The following DOCK1 variants were observed in gnomAD, a reference collection of about 807,000 sequenced individuals.
DOCK1 encodes the protein dedicator of cytokinesis 1, also known as dedicator of cytokinesis protein 1.
DOCK1 carries 138 observed loss-of-function variants against 262.7 expected under a neutral mutation model. The ratio of observed to expected loss-of-function variants is 0.53; its 90% CI spans 0.46 to 0.61. The LOEUF (loss-of-function observed/expected upper bound fraction) is 0.61, where lower values mean the gene tolerates loss of function less well. Ranked by LOEUF, DOCK1 falls within the 20% of genes least tolerant of loss-of-function variation. DOCK1 has a pLI of 0.00. For synonymous variants in DOCK1, 866 were observed against 867.4 expected, an observed-to-expected ratio of 1.00 and a Z score of 0.03; for missense variants, 1,908 against 2,370.7, an observed-to-expected ratio of 0.80 and a Z score of 4.05.
intron 14 of DOCK1, 72 bp downstream of exon 14, chr10:127,023,396 A>G: frequency 6.3e-7 from 1 of 1,593,110 alleles, no homozygotes; most frequent in Admixed American, 1.7e-5. Context: ...TGGCTCTGCT[A>G]CAGCATAGAT....
In DOCK1 at chr10:127,024,538, C is replaced by T. The variant is rs183399527; in HGVS notation, c.1453-147C>T. Reference sequence around the variant, plus strand: ...GCCGCTGGCTTCAGGTGGATCTGTGCTTCCCTTGCTGGGAACGTGTTCATT... The same window carrying T: ...GCCGCTGGCTTCAGGTGGATCTGTGTTTCCCTTGCTGGGAACGTGTTCATT... On this transcript the variant is annotated intron_variant, in intron 14 of 51. Transcript: ENST00000623213. 305 of 645,538 alleles carry T rather than the reference C, an allele frequency of 4.7e-4. 3 individuals carry two copies. In the African/African-American group the frequency reaches 5.0e-3, roughly 11 times the overall value. The allele number at this position is 645,538 out of a possible 1,614,324, so 40.0% of individuals were successfully genotyped here.
chr10:127,409,143 C>T lies in DOCK1; in HGVS notation c.4229C>T (p.Pro1410Leu). Residue 1410 changes from proline to leucine, a missense_variant, in exon 41 of 52, where the codon CCA (proline) becomes CTA (leucine). Pro to Leu is a moderately conservative substitution (Grantham distance 98). Transcript: ENST00000623213. Reference protein sequence around the residue: ...PNAEKMKTTSPPGDDIKNSPG... With the variant: ...PNAEKMKTTSLPGDDIKNSPG... ...GCCGAGAAAATGAAGACAACATCTC[C>T]ACCAGGCGACGATATTAAAAACTCT... 2 of 1,612,850 alleles carry T rather than the reference C, an allele frequency of 1.2e-6. No individual in the cohort carries two copies. The highest frequency in any genetic ancestry group is 2.2e-5 in the East Asian group (1 of 44,846).
chr10:127,403,140 T>G lies in DOCK1; in HGVS notation c.4013T>G (p.Leu1338Trp). 1 of 1,606,414 alleles carries G rather than the reference T, an allele frequency of 6.2e-7. No individual in the cohort carries two copies. Among genetic ancestry groups the G allele is most frequent in the Non-Finnish European group, 8.5e-7 (1 of 1,176,436 alleles). The change falls in exon 39 of 52, where the codon TTG becomes TGG. Residue 1338 changes from leucine to tryptophan, a missense_variant. Physicochemically the swap from Leu to Trp is moderately conservative, Grantham distance 61 (BLOSUM62 -2). Coordinates refer to ENST00000623213, the MANE Select transcript of DOCK1 (RefSeq NM_001290223.2). Reference sequence around the variant, plus strand: ...TTTGATTATGAGCAACTCAGCGAATTGCTGGTGAGTCTTTATTTCTTTTTA... The same window carrying G: ...TTTGATTATGAGCAACTCAGCGAATGGCTGGTGAGTCTTTATTTCTTTTTA... Reference protein sequence around the residue: ...EMFDYEQLSELLKKQAQFYEN... With the variant: ...EMFDYEQLSEWLKKQAQFYEN...
intron 29 of DOCK1, among the ~76,000 whole-genome samples, chr10:127,273,030 G>A (rs1447356320): frequency 6.6e-6 from 1 of 152,174 alleles, no homozygotes; most frequent in Non-Finnish European, 1.5e-5. Flanking sequence ...AATTCAAGAT[G>A]AGATTTGGGT....
chr10:127,153,922 G>T, intron 27 of DOCK1: 1 of 1,613,322 alleles, frequency 6.2e-7, no homozygotes, highest in Middle Eastern at 1.7e-4. Context: ...CGATATGAAA[G>T]CCTACAAGAT....
intron 1 of DOCK1, among the ~76,000 whole-genome samples, chr10:126,946,601 A>G (rs1400601279): frequency 6.6e-6 from 1 of 151,982 alleles, no homozygotes; most frequent in African/African-American, 2.4e-5. Flanking sequence ...GTTAACTTCT[A>G]ATCTATTATA....
At chr10:126,954,913 C>T (rs1351597306) in intron 1 of DOCK1, among the ~76,000 whole-genome samples, 1 of 152,072 alleles carries the variant, frequency 6.6e-6, no homozygotes, top group East Asian at 1.9e-4. Flanking sequence ...CTGTTCAAGT[C>T]CCCGCTTTCA....
intron 35 of DOCK1, among the ~76,000 whole-genome samples, chr10:127,376,983 C>T (rs550925389): frequency 6.6e-6 from 1 of 152,298 alleles, no homozygotes; most frequent in South Asian, 2.1e-4. Flanking sequence ...TCAGTGCCCA[C>T]GTACTTTTAC....
At chr10:127,379,760 A>G (rs1205723277) in intron 35 of DOCK1, among the ~76,000 whole-genome samples, 1 of 152,228 alleles carries the variant, frequency 6.6e-6, no homozygotes, top group Non-Finnish European at 1.5e-5. Context: ...TGAGATTACT[A>G]TGGCTAAGAT....
At chr10:126,988,672 A>G (rs534961093) in intron 5 of DOCK1, among the ~76,000 whole-genome samples, 17 of 152,350 alleles carry the variant, frequency 1.1e-4, no homozygotes, top group African/African-American at 3.8e-4. Flanking sequence ...TAGAGTAGGT[A>G]TTCTTAATGA....
chr10:127,171,187 C>T (rs1217321774), intron 27 of DOCK1, among the ~76,000 whole-genome samples: 1 of 152,130 alleles, frequency 6.6e-6, no homozygotes, highest in Non-Finnish European at 1.5e-5. Flanking sequence ...TGGAAATCTA[C>T]ATAAGCAAAT....
intron 29 of DOCK1, among the ~76,000 whole-genome samples, chr10:127,293,570 T>G (rs936692339): frequency 6.6e-6 from 1 of 152,150 alleles, no homozygotes; most frequent in African/African-American, 2.4e-5. Context: ...GACCAAAGCA[T>G]GCTTCCCCCT....
intron 40 of DOCK1, among the ~76,000 whole-genome samples, chr10:127,405,850 G>A (rs1452329084): frequency 1.3e-5 from 2 of 152,152 alleles, no homozygotes; most frequent in African/African-American, 2.4e-5. Flanking sequence ...TGCCTTCATC[G>A]TGCAGCAAAG....
intron 27 of DOCK1, among the ~76,000 whole-genome samples, chr10:127,225,507 T>C (rs1256756652): frequency 6.6e-6 from 1 of 152,230 alleles, no homozygotes; most frequent in African/African-American, 2.4e-5. Context: ...TTTAGACTCT[T>C]GAACATCTCA....
chr10:127,372,279 C>T (rs1041441248), intron 33 of DOCK1, among the ~76,000 whole-genome samples: 6 of 152,060 alleles, frequency 3.9e-5, no homozygotes, highest in African/African-American at 1.2e-4. Context: ...TGGGTTTCAC[C>T]GTTCCTTGCT....
chr10:127,028,503 G>A (rs1334142109), intron 16 of DOCK1, among the ~76,000 whole-genome samples: 1 of 152,190 alleles, frequency 6.6e-6, no homozygotes, highest in Non-Finnish European at 1.5e-5. Context: ...GAAACCCCAG[G>A]TCAGGGGCTG....
intron 1 of DOCK1, among the ~76,000 whole-genome samples, chr10:126,935,584 T>A (rs1263829683): frequency 3.9e-5 from 6 of 152,234 alleles, no homozygotes; most frequent in Admixed American, 3.9e-4. Flanking sequence ...GGAATGCACC[T>A]TCCTCACCAG....
At chr10:127,052,341 T>A (rs1356504565) in intron 21 of DOCK1, among the ~76,000 whole-genome samples, 1 of 151,772 alleles carries the variant, frequency 6.6e-6, no homozygotes. Flanking sequence ...CCCGGGCAAA[T>A]GGTGAGCTCC....
chr10:126,977,226 C>T (rs2038613172), intron 2 of DOCK1, among the ~76,000 whole-genome samples: 1 of 152,140 alleles, frequency 6.6e-6, no homozygotes, highest in Non-Finnish European at 1.5e-5. Context: ...AGGGGTGTGG[C>T]TGGGTCTGGT....
Sources: allele counts gnomAD v4.1 joint callset (sites outside exome capture counted in the v4.1 genomes callset), GRCh38; gene constraint gnomAD v4.1.1; transcripts MANE v1.5; gene names NCBI Gene and HGNC (gene_info 2026-07-23, HGNC 2026-07-21).